Variants in NRXN1 observed in about 807,000 individuals in gnomAD.
NRXN1 encodes neurexin 1.
A neutral mutation model predicts 150.9 loss-of-function variants in NRXN1; 39 were observed. The ratio of observed to expected loss-of-function variants is 0.26; its 90% CI spans 0.20 to 0.34. NRXN1 has a LOEUF of 0.34. Among genes scored for constraint, NRXN1 ranks in the 10% least tolerant of loss-of-function variants. NRXN1 has a pLI of 1.00. For missense variants in NRXN1, 1,815 were observed against 1,949.9 expected (o/e 0.93, Z 1.30); for synonymous variants, 924 against 757.0 (o/e 1.22, Z -3.62).
chr2:50,904,641 C>A (rs62140651), intron 5 of NRXN1, among the ~76,000 whole-genome samples: 5 of 152,112 alleles, frequency 3.3e-5, no homozygotes, highest in African/African-American at 1.2e-4. Flanking sequence ...ATGAAACAAC[C>A]TGTCTGCATT....
At chr2:50,493,038 G>T (rs2091349223) in intron 15 of NRXN1, among the ~76,000 whole-genome samples, 1 of 152,204 alleles carries the variant, frequency 6.6e-6, no homozygotes, top group Non-Finnish European at 1.5e-5. Context: ...AGTAGCTAAA[G>T]TTGGCTGACC....
intron 18 of NRXN1, among the ~76,000 whole-genome samples, chr2:50,215,028 C>A (rs17040241): frequency 6.6e-6 from 1 of 151,920 alleles, no homozygotes; most frequent in Non-Finnish European, 1.5e-5. Context: ...AGAAATGAGA[C>A]AGATGGCGGC....
intron 5 of NRXN1, among the ~76,000 whole-genome samples, chr2:50,860,231 C>T (rs1174010528): frequency 6.6e-6 from 1 of 151,580 alleles, no homozygotes; most frequent in African/African-American, 2.4e-5. Flanking sequence ...AAACCACTGT[C>T]CTGACATAAA....
chr2:50,556,373 G>A (rs1458723253), intron 8 of NRXN1, among the ~76,000 whole-genome samples: 1 of 151,922 alleles, frequency 6.6e-6, no homozygotes, highest in Non-Finnish European at 1.5e-5. Context: ...TAATTCTTAT[G>A]TCAAAAGTTG....
chr2:50,727,933 C>G lies in NRXN1; in HGVS notation c.833-104318G>C, dbSNP rs184299349. Among the ~76,000 whole-genome samples the G allele has an allele frequency of 1.4e-4, 21 of 152,222 alleles. No homozygotes were observed. The East Asian group carries it at 3.9e-3, about 28-fold the overall frequency. Reference sequence around the variant, plus strand: ...GTTATTGTTAAGCCACAGGGTATCTCTTTACAAATTAGAGAAAGGTTACAC... The same window carrying G: ...GTTATTGTTAAGCCACAGGGTATCTGTTTACAAATTAGAGAAAGGTTACAC... On this transcript the variant is annotated intron_variant, in intron 5 of 22. Transcript: ENST00000401669.
At chr2:50,008,628 A>T (rs1019163467) in intron 21 of NRXN1, among the ~76,000 whole-genome samples, 28 of 152,108 alleles carry the variant, frequency 1.8e-4, no homozygotes, top group African/African-American at 5.5e-4. Flanking sequence ...ACTATGTAAG[A>T]TATGCACATA....
chr2:50,360,174 A>G (rs1014989431), intron 17 of NRXN1, among the ~76,000 whole-genome samples: 1 of 152,214 alleles, frequency 6.6e-6, no homozygotes. Flanking sequence ...GTGTGTAAAG[A>G]CCATTGGCAC....
chr2:50,897,646 T>C (rs757801295), intron 5 of NRXN1, among the ~76,000 whole-genome samples: 3 of 152,200 alleles, frequency 2.0e-5, no homozygotes, highest in Non-Finnish European at 4.4e-5. Context: ...TGTGCAGAAA[T>C]GAAGAAGCCA....
intron 17 of NRXN1, among the ~76,000 whole-genome samples, chr2:50,331,547 T>A (rs1248718246): frequency 1.3e-5 from 2 of 152,200 alleles, no homozygotes. Context: ...CTTCTTGCAG[T>A]CTACTTCCTA....
chr2:50,635,050 T>C (rs1452418530), intron 5 of NRXN1, among the ~76,000 whole-genome samples: 2 of 152,196 alleles, frequency 1.3e-5, no homozygotes, highest in Non-Finnish European at 2.9e-5. Flanking sequence ...AGTGGCCTTC[T>C]TGTGAGTAAT....
chr2:50,822,919 G>A (rs1295164917), intron 5 of NRXN1, among the ~76,000 whole-genome samples: 3 of 152,160 alleles, frequency 2.0e-5, no homozygotes, highest in Admixed American at 1.3e-4. Context: ...GAATTAATCT[G>A]ATTGAATCTC....
rs746976726 is a variant in NRXN1, at chr2:50,943,095, G to GCT, written c.773-17142_773-17141dup. Among the ~76,000 whole-genome samples, 516 of 150,254 alleles carry GCT rather than the reference G, an allele frequency of 3.4e-3. 2 individuals are homozygous for GCT. Among genetic ancestry groups the GCT allele is most frequent in the Non-Finnish European group, 5.2e-3 (352 of 67,386 alleles). On this transcript the variant is annotated intron_variant, in intron 2 of 22. Coordinates refer to ENST00000401669, the MANE Select transcript of NRXN1 (RefSeq NM_001330078.2). ...TAAGTATGTGGCTCTTCTCCTTTGTGCTCTCTCTCTCTCTCTTCTGCCATC... is the reference window on the plus strand; with the variant it reads ...TAAGTATGTGGCTCTTCTCCTTTGTGCTCTCTCTCTCTCTCTCTTCTGCCATC...
rs139605758 is a variant in NRXN1, at chr2:50,358,684, G to A, written c.3364+106758C>T. Among the ~76,000 whole-genome samples, 4 of 152,318 alleles carry A rather than the reference G, an allele frequency of 2.6e-5. No individual in the cohort carries two copies. In the East Asian group the frequency reaches 7.7e-4, roughly 29 times the overall value. On this transcript the variant is annotated intron_variant, in intron 17 of 22. Coordinates refer to ENST00000401669, the MANE Select transcript of NRXN1 (RefSeq NM_001330078.2). Reference sequence around the variant, plus strand: ...GCCAACTTACCCACTCCTGCCTGCTGGCTCTGAAAAGAGCAGCAGATCTTG... The same window carrying A: ...GCCAACTTACCCACTCCTGCCTGCTAGCTCTGAAAAGAGCAGCAGATCTTG...
intron 12 of NRXN1, among the ~76,000 whole-genome samples, chr2:50,521,789 G>A (rs1020979994): frequency 1.3e-5 from 2 of 152,168 alleles, no homozygotes; most frequent in African/African-American, 2.4e-5. Flanking sequence ...TGAGGAGAGT[G>A]TATCATGTGG....
rs143842092 is a variant in NRXN1 at position 50,080,368 on chromosome 2, T to C, written c.3718+10955A>G. Among the ~76,000 whole-genome samples, 268 of 152,300 alleles carry C rather than the reference T, an allele frequency of 1.8e-3. 1 individual carries two copies. Among genetic ancestry groups the C allele is most frequent in the African/African-American group, 5.7e-3 (237 of 41,568 alleles). On this transcript the variant is annotated intron_variant, in intron 19 of 22. Transcript: ENST00000401669. ...GATATATGTATAGGGAAACACATAG[T>C]ATATATAGGTTTTGGTACTATCTGT... is the stretch of plus-strand genomic sequence containing the variant.
chr2:50,259,658 T>C (rs886317584), intron 17 of NRXN1, among the ~76,000 whole-genome samples: 7 of 152,010 alleles, frequency 4.6e-5, no homozygotes, highest in South Asian at 2.1e-4. Context: ...CCAAATGTAA[T>C]ATTTAGCTTT....
At chr2:50,265,742 T>TCCGAG (rs1253453434) in intron 17 of NRXN1, among the ~76,000 whole-genome samples, 4 of 152,074 alleles carry the variant, frequency 2.6e-5, no homozygotes, top group African/African-American at 9.7e-5. Flanking sequence ...AAAGTCATCT[T>TCCGAG]CCGAGCATAT....
At chr2:50,332,371 A>C (rs1489595020) in intron 17 of NRXN1, among the ~76,000 whole-genome samples, 1 of 152,226 alleles carries the variant, frequency 6.6e-6, no homozygotes, top group African/African-American at 2.4e-5. Context: ...TTCTGTCCTC[A>C]GGAAATTTAA....
intron 19 of NRXN1, among the ~76,000 whole-genome samples, chr2:50,088,545 C>A (rs751468928): frequency 6.6e-6 from 1 of 152,188 alleles, no homozygotes; most frequent in East Asian, 1.9e-4. Flanking sequence ...TAAAATACAT[C>A]TTGGTAAAAG....
Sources: allele counts gnomAD v4.1 joint callset (sites outside exome capture counted in the v4.1 genomes callset), GRCh38; gene constraint gnomAD v4.1.1; transcripts MANE v1.5; gene names NCBI Gene and HGNC (gene_info 2026-07-23, HGNC 2026-07-21).